AGBL1: variants seen among roughly 807,000 people sequenced by gnomAD.
AGBL1 encodes the protein cytosolic carboxypeptidase 4.
Under a neutral mutation model 118.9 loss-of-function variants are expected in AGBL1, and 130 were observed. The ratio of observed to expected loss-of-function variants is 1.09; its 90% CI spans 0.95 to 1.26. The LOEUF (loss-of-function observed/expected upper bound fraction) is 1.26. Among genes scored for constraint, AGBL1 ranks in the 50% most tolerant of loss-of-function variants. The pLI is 0.00. For synonymous variants in AGBL1, 555 were observed against 478.9 expected (o/e 1.16, Z -2.08); for missense variants, 1,584 against 1,298.1 (o/e 1.22, Z -3.38).
At chr15:86,162,192 G>T (rs2077275985) in intron 5 of AGBL1, among the ~76,000 whole-genome samples, 1 of 152,118 alleles carries the variant, frequency 6.6e-6, no homozygotes, top group Non-Finnish European at 1.5e-5. Flanking sequence ...GGGGGGTCTT[G>T]CAGGGAAGGG....
chr15:86,590,735 G>T lies in AGBL1; in HGVS notation c.2994+36198G>T, dbSNP rs4316724. On this transcript the variant is annotated intron_variant, in intron 21 of 22. Coordinates refer to ENST00000614907, the MANE Select transcript of AGBL1 (RefSeq NM_001386094.1). ...TTCTTGGATCCAGACAAGGGAGAAG[G>T]CCTGGCAGTATAAATGCAGGTTCCC... Among the ~76,000 whole-genome samples the T allele has an allele frequency of 9.3e-3, 1,416 of 152,262 alleles. 81 individuals carry two copies. The highest frequency in any genetic ancestry group is 0.078 in the Admixed American group (1,189 of 15,284).
At chr15:86,660,808 A>G (rs2085526118) in intron 21 of AGBL1, among the ~76,000 whole-genome samples, 1 of 152,030 alleles carries the variant, frequency 6.6e-6, no homozygotes, top group African/African-American at 2.4e-5. Context: ...AAATCTGCAG[A>G]CTCTAATGTA....
At chr15:86,936,229 A>AGT (rs1473166644) in intron 23 of AGBL1, among the ~76,000 whole-genome samples, 251 of 140,660 alleles carry the variant, frequency 1.8e-3, no homozygotes, top group African/African-American at 6.7e-3. Flanking sequence ...TGTAAACAGC[A>AGT]GTGTGTATGT....
chr15:86,203,935 G>GA (rs1309770167), intron 5 of AGBL1, among the ~76,000 whole-genome samples: 4 of 151,950 alleles, frequency 2.6e-5, no homozygotes, highest in Admixed American at 2.6e-4. Context: ...AATTCAAAAG[G>GA]AAAAAGCAAC....
intron 1 of AGBL1, chr15:86,140,376 G>A (rs2076947050): frequency 6.6e-6 from 1 of 151,862 alleles, no homozygotes; most frequent in Non-Finnish European, 1.5e-5. Flanking sequence ...AGAAAGTGTA[G>A]GCATCATGTG....
intron 19 of AGBL1, among the ~76,000 whole-genome samples, chr15:86,534,112 TAAA>T (rs61563504): frequency 9.3e-5 from 9 of 96,520 alleles, no homozygotes; most frequent in African/African-American, 3.0e-4. Context: ...TAAAGTATAA[TAAA>T]AAAAAAAAAA....
intron 5 of AGBL1, among the ~76,000 whole-genome samples, chr15:86,169,258 G>T (rs1040356442): frequency 6.6e-6 from 1 of 152,160 alleles, no homozygotes; most frequent in Non-Finnish European, 1.5e-5. Flanking sequence ...GATCTTCAGG[G>T]ATTACCCTCA....
chr15:86,755,703 A>G (rs551686264), intron 22 of AGBL1, among the ~76,000 whole-genome samples: 1 of 152,102 alleles, frequency 6.6e-6, no homozygotes, highest in South Asian at 2.1e-4. Flanking sequence ...TTCCTGCCTG[A>G]CTGCATGGTT....
chr15:86,842,093 GA>G (rs898217564), intron 22 of AGBL1, among the ~76,000 whole-genome samples: 5 of 143,584 alleles, frequency 3.5e-5, no homozygotes, highest in African/African-American at 1.0e-4. Context: ...TCTTGCAGAA[GA>G]AAAAAATACA....
chr15:86,702,552 T>A (rs1424667110), intron 22 of AGBL1, among the ~76,000 whole-genome samples: 5 of 152,138 alleles, frequency 3.3e-5, no homozygotes, highest in African/African-American at 1.2e-4. Context: ...CCTAACTCAC[T>A]GCAGCATCAC....
At chr15:86,902,599 A>C in intron 22 of AGBL1, among the ~76,000 whole-genome samples, 1 of 151,606 alleles carries the variant, frequency 6.6e-6, no homozygotes, top group Admixed American at 6.6e-5. Flanking sequence ...TCTGTTACCA[A>C]AAAATTATCA....
chr15:86,341,839 G>C (rs2080466136), intron 17 of AGBL1, among the ~76,000 whole-genome samples: 1 of 151,980 alleles, frequency 6.6e-6, no homozygotes, highest in African/African-American at 2.4e-5. Flanking sequence ...GCTTTAAGGA[G>C]GAAGGAACAT....
chr15:86,178,285 C>T (rs2077508720), intron 5 of AGBL1, among the ~76,000 whole-genome samples: 1 of 152,142 alleles, frequency 6.6e-6, no homozygotes, highest in South Asian at 2.1e-4. Flanking sequence ...TGCACTCCAG[C>T]CCGATGACAG....
intron 21 of AGBL1, among the ~76,000 whole-genome samples, chr15:86,609,452 T>G (rs2084628024): frequency 6.6e-6 from 1 of 152,174 alleles, no homozygotes; most frequent in African/African-American, 2.4e-5. Flanking sequence ...CATTTACTGC[T>G]TTCTATATCA....
At chr15:86,534,984 T>A (rs894144761) in intron 19 of AGBL1, among the ~76,000 whole-genome samples, 1 of 152,144 alleles carries the variant, frequency 6.6e-6, no homozygotes, top group African/African-American at 2.4e-5. Flanking sequence ...CTCATTGAAC[T>A]ATATATTCAG....
intron 22 of AGBL1, among the ~76,000 whole-genome samples, chr15:86,827,815 G>A (rs67663119): frequency 0.35 from 52,510 of 149,182 alleles, 11,252 homozygotes; most frequent in Non-Finnish European, 0.5. Flanking sequence ...GCAAAAGCCA[G>A]GTGGATTGTG....
At chr15:86,541,258 C>T (rs549410924) in intron 19 of AGBL1, among the ~76,000 whole-genome samples, 8 of 152,226 alleles carry the variant, frequency 5.3e-5, no homozygotes, top group East Asian at 1.9e-4. Flanking sequence ...GAGCATCACC[C>T]GGAAACTTGC....
chr15:86,802,487 T>C (rs912198859), intron 22 of AGBL1, among the ~76,000 whole-genome samples: 2 of 152,176 alleles, frequency 1.3e-5, no homozygotes, highest in Admixed American at 6.6e-5. Context: ...TAGAACCATG[T>C]TGCAATGCTG....
chr15:86,358,058 G>T (rs911753883), intron 17 of AGBL1, among the ~76,000 whole-genome samples: 2 of 151,944 alleles, frequency 1.3e-5, no homozygotes, highest in African/African-American at 2.4e-5. Context: ...AACTCTTTTA[G>T]CAAATTTCAA....
Sources: allele counts gnomAD v4.1 joint callset (sites outside exome capture counted in the v4.1 genomes callset), GRCh38; gene constraint gnomAD v4.1.1; transcripts MANE v1.5; gene names NCBI Gene and HGNC (gene_info 2026-07-23, HGNC 2026-07-21).